Variants in C7orf78 observed in about 807,000 individuals in gnomAD.
C7orf78 encodes the protein putative uncharacterized protein C7orf78.
At chr7:12,513,782 C>T in the C7orf78 span, among the ~76,000 whole-genome samples, 19 of 152,174 alleles carry the variant, frequency 1.2e-4, no homozygotes, top group African/African-American at 3.9e-4. Flanking sequence ...GGGTGGATCA[C>T]GACGTCAGGA....
chr7:12,513,465 A>T, the C7orf78 span, among the ~76,000 whole-genome samples: 3 of 152,088 alleles, frequency 2.0e-5, no homozygotes, highest in African/African-American at 2.4e-5. Flanking sequence ...TTGCATTTGT[A>T]TCAAGAAATT....
chr7:12,538,424 G>A, the C7orf78 span: 5 of 152,134 alleles, frequency 3.3e-5, no homozygotes, highest in Non-Finnish European at 7.3e-5. Context: ...GTGTCCAGAG[G>A]AGAAATGGAA....
chr7:12,537,058 T>C, the C7orf78 span, among the ~76,000 whole-genome samples: 1 of 152,198 alleles, frequency 6.6e-6, no homozygotes, highest in African/African-American at 2.4e-5. Context: ...CCAAAGTCGC[T>C]TTCACATTTT....
chr7:12,494,345 C>T, the C7orf78 span, among the ~76,000 whole-genome samples: 1 of 152,106 alleles, frequency 6.6e-6, no homozygotes, highest in African/African-American at 2.4e-5. Flanking sequence ...AAGATAATTC[C>T]TTCTCTGAAG....
the C7orf78 span, among the ~76,000 whole-genome samples, chr7:12,535,967 C>G: frequency 6.6e-6 from 1 of 152,232 alleles, no homozygotes; most frequent in South Asian, 2.1e-4. Flanking sequence ...CAGCCTCCCA[C>G]CCAGCTGCCT....
the C7orf78 span, among the ~76,000 whole-genome samples, chr7:12,498,319 GA>G: frequency 6.6e-6 from 1 of 151,678 alleles, no homozygotes; most frequent in South Asian, 2.1e-4. Flanking sequence ...CAAAGGCAAA[GA>G]AGTTGAAAAC....
the C7orf78 span, among the ~76,000 whole-genome samples, chr7:12,515,772 C>T: frequency 3.3e-5 from 5 of 152,138 alleles, no homozygotes; most frequent in African/African-American, 9.6e-5. Flanking sequence ...AGCAAAGAGA[C>T]GGGTGGCATT....
chr7:12,509,820 C>T, the C7orf78 span, among the ~76,000 whole-genome samples: 5 of 152,180 alleles, frequency 3.3e-5, no homozygotes, highest in Non-Finnish European at 5.9e-5. Context: ...TGCAGTGGCT[C>T]ATGCCTGTAA....
At chr7:12,502,322 C>A in the C7orf78 span, among the ~76,000 whole-genome samples, 1 of 139,154 alleles carries the variant, frequency 7.2e-6, no homozygotes, top group Non-Finnish European at 1.6e-5. Context: ...AAAATTTTTG[C>A]AACCTACTCA....
At chr7:12,511,345 C>A in the C7orf78 span, among the ~76,000 whole-genome samples, 2 of 152,102 alleles carry the variant, frequency 1.3e-5, no homozygotes, top group African/African-American at 4.8e-5. Flanking sequence ...CCTTTTTGCT[C>A]AGTATTACTT....
At chr7:12,532,314 T>C in the C7orf78 span, among the ~76,000 whole-genome samples, 4 of 151,878 alleles carry the variant, frequency 2.6e-5, no homozygotes, top group Non-Finnish European at 4.4e-5. Flanking sequence ...CTTTGGGAGG[T>C]CAAGGTGGGT....
chr7:12,528,989 A>T, the C7orf78 span: 1 of 398,454 alleles, frequency 2.5e-6, no homozygotes, highest in Non-Finnish European at 4.4e-6. Context: ...TGCACCTGGG[A>T]TTCAAAACTA....
the C7orf78 span, among the ~76,000 whole-genome samples, chr7:12,492,471 C>T: frequency 6.6e-6 from 1 of 152,172 alleles, no homozygotes; most frequent in South Asian, 2.1e-4. Flanking sequence ...GCAATGTCCC[C>T]AGCAATACTG....
the C7orf78 span, among the ~76,000 whole-genome samples, chr7:12,528,073 C>G: frequency 2.7e-5 from 4 of 147,910 alleles, no homozygotes; most frequent in African/African-American, 9.9e-5. Flanking sequence ...GTGTGTCACT[C>G]ACTTTGGTAG....
the C7orf78 span, among the ~76,000 whole-genome samples, chr7:12,539,876 A>G: frequency 6.6e-6 from 1 of 152,216 alleles, no homozygotes; most frequent in Non-Finnish European, 1.5e-5. Context: ...TGAGGGCTCC[A>G]GGCTTCTCAT....
At chr7:12,540,079 G>C in the C7orf78 span, among the ~76,000 whole-genome samples, 1 of 152,296 alleles carries the variant, frequency 6.6e-6, no homozygotes, top group African/African-American at 2.4e-5. Context: ...TGGAACATAG[G>C]AGTTTATATA....
At chr7:12,501,749 A>G in the C7orf78 span, among the ~76,000 whole-genome samples, 3 of 148,498 alleles carry the variant, frequency 2.0e-5, no homozygotes, top group South Asian at 6.6e-4. Context: ...TTCATATGGA[A>G]CCAAAAAAGA....
the C7orf78 span, among the ~76,000 whole-genome samples, chr7:12,531,313 C>A: frequency 2.0e-5 from 3 of 152,074 alleles, no homozygotes; most frequent in African/African-American, 7.2e-5. Context: ...TTCATTGCAA[C>A]CTGTTTCCTA....
the C7orf78 span, among the ~76,000 whole-genome samples, chr7:12,520,079 A>T: frequency 6.6e-6 from 1 of 152,220 alleles, no homozygotes; most frequent in South Asian, 2.1e-4. Flanking sequence ...CACAGTGAGG[A>T]TGTAAGCCAA....
Sources: gnomAD v4.1 joint callset for allele counts (sites outside exome capture counted in the v4.1 genomes callset) on GRCh38, gnomAD v4.1.1 for gene constraint, MANE v1.5 for transcripts, NCBI Gene and HGNC (gene_info 2026-07-23, HGNC 2026-07-21) for gene names.